Variants in PCDH11X observed in about 807,000 individuals in gnomAD.
The protein encoded by PCDH11X is protocadherin-11 X-linked.
In PCDH11X, 18 loss-of-function variants were observed where a neutral mutation model predicts 53.3. The ratio of observed to expected loss-of-function variants is 0.34; its 90% CI spans 0.23 to 0.50. The LOEUF is 0.50. PCDH11X is among the 20% of genes least tolerant of loss of function. PCDH11X has a pLI of 0.98. For synonymous variants in PCDH11X, 279 were observed against 393.3 expected (o/e 0.71, Z 3.44); for missense variants, 570 against 1,032.4 (o/e 0.55, Z 6.14).
intron 10 of PCDH11X, among the ~76,000 whole-genome samples, chrX:92,511,584 T>C (rs776459653): frequency 8.9e-6 from 1 of 111,803 alleles, no homozygotes; most frequent in East Asian, 2.8e-4. Context: ...CTATTGTTTT[T>C]GTTGCTGTTA....
intron 10 of PCDH11X, among the ~76,000 whole-genome samples, chrX:92,506,215 T>TC (rs2074055394): frequency 1.7e-5 from 1 of 60,545 alleles, no homozygotes; most frequent in Non-Finnish European, 3.0e-5. Flanking sequence ...TCTTTTCTTT[T>TC]CTTTTTTTTT....
At chrX:91,857,969 C>T (rs1938447082) in intron 5 of PCDH11X, among the ~76,000 whole-genome samples, 2 of 111,687 alleles carry the variant, frequency 1.8e-5, no homozygotes, top group African/African-American at 3.3e-5. Context: ...TCCCACCCCA[C>T]ATTTCCCTTC....
intron 9 of PCDH11X, among the ~76,000 whole-genome samples, chrX:92,417,740 G>T (rs1248471443): frequency 9.3e-6 from 1 of 107,154 alleles, no homozygotes; most frequent in Non-Finnish European, 1.9e-5. Flanking sequence ...TGCCTAATGT[G>T]TTTAATTAGT....
At chrX:91,982,857 T>A (rs2062163594) in intron 6 of PCDH11X, 3 of 907,889 alleles carry the variant, frequency 3.3e-6, no homozygotes, top group Non-Finnish European at 4.8e-6. Context: ...GAAACGCGTG[T>A]TACTGTTTCC....
chrX:92,535,626 C>A (rs2074644590), intron 10 of PCDH11X, among the ~76,000 whole-genome samples: 2 of 111,262 alleles, frequency 1.8e-5, no homozygotes, highest in African/African-American at 6.5e-5. Flanking sequence ...CCCTATGACA[C>A]AAACAACCCT....
intron 5 of PCDH11X, among the ~76,000 whole-genome samples, chrX:91,867,571 T>C (rs1658367619): frequency 9.2e-6 from 1 of 108,659 alleles, no homozygotes; most frequent in African/African-American, 3.4e-5. Flanking sequence ...AGCAGGAAAG[T>C]ATGAGTCAGA....
rs191389196 is a variant in PCDH11X at position 92,341,417 on chromosome X, C to T, written c.3145-46318C>T. ...AAATTTTTGTATTAGTCCATTCTCA[C>T]ATTTGTATAAAGAAATACCAGAGAC... On this transcript the variant is annotated intron_variant, in intron 8 of 10. Coordinates refer to ENST00000682573, the MANE Select transcript of PCDH11X (RefSeq NM_032968.5). 6.6e-3 allele frequency among the ~76,000 whole-genome samples: 738 copies of T among 111,823 alleles called. 8 individuals are homozygous for T. Among genetic ancestry groups the T allele is most frequent in the African/African-American group, 0.023 (719 of 30,714 alleles).
intron 8 of PCDH11X, among the ~76,000 whole-genome samples, chrX:92,330,328 G>A (rs1292195144): frequency 9.0e-6 from 1 of 110,982 alleles, no homozygotes; most frequent in Non-Finnish European, 1.9e-5. Context: ...ATATATGGAT[G>A]AAAAACAAGC....
chrX:92,364,512 T>C (rs1264550242), intron 8 of PCDH11X, among the ~76,000 whole-genome samples: 2 of 110,812 alleles, frequency 1.8e-5, no homozygotes, highest in Non-Finnish European at 3.8e-5. Context: ...AGTCAGTGAA[T>C]AAATGGTGAG....
chrX:92,501,959 T>G (rs1161643508), intron 10 of PCDH11X, among the ~76,000 whole-genome samples: 3 of 110,720 alleles, frequency 2.7e-5, no homozygotes, highest in African/African-American at 9.9e-5. Flanking sequence ...TCATCCTATA[T>G]CTAGAAAAGC....
chrX:92,114,426 A>T (rs1312827257), intron 6 of PCDH11X: 11 of 885,736 alleles, frequency 1.2e-5, no homozygotes, highest in Non-Finnish European at 1.8e-5. Flanking sequence ...CATCGGGGCC[A>T]TTGTCTCTGG....
chrX:92,551,393 A>ATT (rs57107871), intron 10 of PCDH11X, among the ~76,000 whole-genome samples: 77 of 99,935 alleles, frequency 7.7e-4, no homozygotes, highest in African/African-American at 2.1e-3. Flanking sequence ...TCTTTTGCCC[A>ATT]TTTTTTTTTG....
At chrX:92,421,487 T>C (rs1222863875) in intron 9 of PCDH11X, among the ~76,000 whole-genome samples, 3 of 111,870 alleles carry the variant, frequency 2.7e-5, no homozygotes, top group Non-Finnish European at 3.8e-5. Flanking sequence ...GTATAGGCAC[T>C]ACGTATTTTT....
intron 6 of PCDH11X, among the ~76,000 whole-genome samples, chrX:92,168,421 G>A (rs1175848073): frequency 9.1e-6 from 1 of 110,401 alleles, no homozygotes; most frequent in Non-Finnish European, 1.9e-5. Flanking sequence ...AGCAAGGTGT[G>A]GTGGTGCTTG....
intron 7 of PCDH11X, among the ~76,000 whole-genome samples, chrX:92,232,918 TG>T (rs1339427285): frequency 9.0e-6 from 1 of 111,101 alleles, no homozygotes; most frequent in Non-Finnish European, 1.9e-5. Flanking sequence ...GGTTTCACCA[TG>T]TTAGCCAGGA....
chrX:92,613,379 C>G (rs1268388361), intron 10 of PCDH11X, among the ~76,000 whole-genome samples: 2 of 110,492 alleles, frequency 1.8e-5, no homozygotes, highest in African/African-American at 6.6e-5. Flanking sequence ...ATATAAAATT[C>G]CTGGTTGGAA....
intron 6 of PCDH11X, among the ~76,000 whole-genome samples, chrX:92,074,516 A>G (rs1248192904): frequency 3.6e-5 from 4 of 112,128 alleles, no homozygotes; most frequent in Admixed American, 2.8e-4. Context: ...GTGCATCTTT[A>G]ATAATACAAT....
At chrX:91,829,609 G>A (rs1191221293) in intron 4 of PCDH11X, among the ~76,000 whole-genome samples, 1 of 110,462 alleles carries the variant, frequency 9.1e-6, no homozygotes, top group South Asian at 3.8e-4. Flanking sequence ...TAGATTCCAA[G>A]CCCATCACTT....
chrX:92,530,519 A>G (rs1328536014), intron 10 of PCDH11X, among the ~76,000 whole-genome samples: 1 of 112,127 alleles, frequency 8.9e-6, no homozygotes, highest in Admixed American at 9.5e-5. Flanking sequence ...TATGTAATGC[A>G]TGCCCCTTTT....
Sources: gnomAD v4.1 joint callset for allele counts (sites outside exome capture counted in the v4.1 genomes callset) on GRCh38, gnomAD v4.1.1 for gene constraint, MANE v1.5 for transcripts, NCBI Gene and HGNC (gene_info 2026-07-23, HGNC 2026-07-21) for gene names.